WDR64: variants seen among roughly 807,000 people sequenced by gnomAD.
WDR64 encodes WD repeat-containing protein 64.
In WDR64, 112 loss-of-function variants were observed where a neutral mutation model predicts 139.3. That is an observed-to-expected ratio of 0.80 (90% CI 0.69 to 0.94). The LOEUF is 0.94. WDR64 is among the 40% of genes least tolerant of loss of function. WDR64 has a pLI of 0.00. For synonymous variants in WDR64, 444 were observed against 437.7 expected, an observed-to-expected ratio of 1.01 and a Z score of -0.18; for missense variants, 1,206 against 1,293.1, an observed-to-expected ratio of 0.93 and a Z score of 1.03.
At chr1:241,740,242 T>G (rs1213379894) in intron 11 of WDR64, among the ~76,000 whole-genome samples, 4 of 152,190 alleles carry the variant, frequency 2.6e-5, no homozygotes, top group African/African-American at 9.7e-5. Context: ...AGCCAAAAAG[T>G]AGAAGATTGC....
intron 14 of WDR64, 82 bp from the exon 15 acceptor site, chr1:241,757,197 TGTAG>T (rs67278585): frequency 0.16 from 199,737 of 1,215,924 alleles, 17,910 homozygotes; most frequent in Non-Finnish European, 0.19. Context: ...GATACATCAT[TGTAG>T]GTTCTATTTT....
intron 2 of WDR64, among the ~76,000 whole-genome samples, chr1:241,665,598 A>C (rs540111007): frequency 6.6e-6 from 1 of 152,348 alleles, no homozygotes; most frequent in East Asian, 1.9e-4. Context: ...TCATAGAATA[A>C]TGAAATCTTA....
At chr1:241,732,325 T>C (rs919210178) in intron 10 of WDR64, among the ~76,000 whole-genome samples, 2 of 149,298 alleles carry the variant, frequency 1.3e-5, no homozygotes, top group African/African-American at 5.0e-5. Context: ...ATCTATCTAT[T>C]TGTCATCTAT....
At chr1:241,681,676 T>C (rs1666797646) in intron 6 of WDR64, among the ~76,000 whole-genome samples, 1 of 152,182 alleles carries the variant, frequency 6.6e-6, no homozygotes, top group Non-Finnish European at 1.5e-5. Context: ...AGTTCTACTT[T>C]TAGTTCTTTA....
At chr1:241,702,099 A>G (rs1400050186) in intron 8 of WDR64, among the ~76,000 whole-genome samples, 1 of 152,256 alleles carries the variant, frequency 6.6e-6, no homozygotes, top group Non-Finnish European at 1.5e-5. Context: ...TAATTATGCC[A>G]TGTAAAGCAT....
chr1:241,674,256 CTTTTCT>C (rs1408718913), intron 3 of WDR64, among the ~76,000 whole-genome samples: 1 of 121,338 alleles, frequency 8.2e-6, no homozygotes, highest in South Asian at 2.6e-4. Flanking sequence ...CTTTTTTTTT[CTTTTCT>C]TTTTTTTTTT....
At chr1:241,784,953 G>GAAAAAAAAAAAAAAAAAAAAA (rs58720618) in intron 23 of WDR64, among the ~76,000 whole-genome samples, 8 of 62,244 alleles carry the variant, frequency 1.3e-4, no homozygotes, top group South Asian at 9.0e-4. Flanking sequence ...GACTCTGTCT[G>GAAAAAAAAAAAAAAAAAAAAA]AAAAAAAAAA....
chr1:241,790,304 T>C (rs143673676), intron 24 of WDR64, among the ~76,000 whole-genome samples: 86 of 152,284 alleles, frequency 5.6e-4, no homozygotes, highest in African/African-American at 1.9e-3. Context: ...TGAGCCGAGA[T>C]TGCACTACTA....
intron 3 of WDR64, among the ~76,000 whole-genome samples, chr1:241,674,430 G>A (rs55676395): frequency 0.022 from 3,382 of 151,550 alleles, 120 homozygotes; most frequent in African/African-American, 0.076. Context: ...CTAATTTTGT[G>A]TTTTTGGTAG....
intron 2 of WDR64, 134 bp from the exon 3 acceptor site, chr1:241,670,939 AC>A (rs1666202402): frequency 3.4e-6 from 2 of 588,524 alleles, no homozygotes; most frequent in African/African-American, 1.9e-5. Flanking sequence ...GGTATAGGGA[AC>A]CCCCTGACAT....
Position 241,674,661 on chromosome 1 carries a change from G to A in WDR64, c.397G>A (p.Val133Met), listed in dbSNP as rs750091473. The change falls in exon 4 of 28, where the codon GTG (valine) becomes ATG (methionine). Residue 133 changes from valine to methionine, a missense_variant. Coordinates refer to ENST00000437684, the MANE Select transcript of WDR64 (RefSeq NM_001367482.1). ...GTTGACAGGTAGTAGAAGACGAGAT[G>A]TGATTAAGAGCATTGTCAAGATACC... ...ILISGSRRRD[V>M]IKSIVKIPHL... 28 of 1,548,086 alleles carry A rather than the reference G, an allele frequency of 1.8e-5. No individual in the cohort carries two copies. Among genetic ancestry groups the A allele is most frequent in the Non-Finnish European group, 2.4e-5 (27 of 1,144,586 alleles).
chr1:241,749,855 C>G (rs1669915423), intron 14 of WDR64, 133 bp downstream of exon 14: 11 of 1,009,462 alleles, frequency 1.1e-5, no homozygotes, highest in Non-Finnish European at 1.6e-5. Context: ...TCAGCCTTCC[C>G]GTGATGCTCC....
chr1:241,759,503 C>G (rs944852703), intron 15 of WDR64, among the ~76,000 whole-genome samples: 1 of 152,088 alleles, frequency 6.6e-6, no homozygotes, highest in Non-Finnish European at 1.5e-5. Context: ...CCTTCTTAAC[C>G]TATAGTTCTT....
intron 13 of WDR64, among the ~76,000 whole-genome samples, chr1:241,746,640 T>G (rs1331477653): frequency 1.3e-5 from 2 of 152,070 alleles, no homozygotes. Flanking sequence ...TGGAATACTG[T>G]AGTTATTACA....
chr1:241,764,214 A>G (rs1472188640), intron 15 of WDR64, among the ~76,000 whole-genome samples: 1 of 152,234 alleles, frequency 6.6e-6, no homozygotes, highest in Non-Finnish European at 1.5e-5. Context: ...ATGGAAGGCC[A>G]TGGAAGGGCT....
chr1:241,751,269 AT>A (rs1202939780), intron 14 of WDR64, among the ~76,000 whole-genome samples: 1 of 152,018 alleles, frequency 6.6e-6, no homozygotes, highest in Non-Finnish European at 1.5e-5. Flanking sequence ...TAGCCAGGCC[AT>A]TTTTTTTCCA....
At position 241,802,270 on chromosome 1, in the gene WDR64, T is replaced by C. The variant is rs867572987; in HGVS notation, c.*1055T>C. The stretch of plus-strand genomic sequence containing the variant: ...ACATAGACCAATCTCAAGAATATGT[T>C]AAGTCAAAAAAACTTTACAGAAAGA... On this transcript the variant is annotated 3_prime_UTR_variant, in exon 28 of 28. Transcript: ENST00000437684. 5.0e-6 allele frequency: 2 copies of C among 398,184 alleles called. No individual in the cohort carries two copies. Among genetic ancestry groups the C allele is most frequent in the Non-Finnish European group, 8.9e-6 (2 of 225,850 alleles). 24.7% of individuals were successfully genotyped at this position (398,184 alleles called of 1,614,324 possible). A position where few individuals can be genotyped will look rare whatever the true frequency, so the allele number is the denominator to read the frequency against.
intron 8 of WDR64, among the ~76,000 whole-genome samples, chr1:241,692,745 C>A (rs1048473943): frequency 2.0e-5 from 3 of 151,876 alleles, no homozygotes; most frequent in African/African-American, 7.3e-5. Flanking sequence ...AACCAACAAC[C>A]CAATTGAAAA....
chr1:241,705,038 GAGC>G (rs1667877974), intron 8 of WDR64, among the ~76,000 whole-genome samples: 1 of 152,118 alleles, frequency 6.6e-6, no homozygotes, highest in African/African-American at 2.4e-5. Flanking sequence ...GTTGGGGCGA[GAGC>G]TTCTGGTGCT....
Sources: allele counts gnomAD v4.1 joint callset (sites outside exome capture counted in the v4.1 genomes callset), GRCh38; gene constraint gnomAD v4.1.1; transcripts MANE v1.5; gene names NCBI Gene and HGNC (gene_info 2026-07-23, HGNC 2026-07-21).